Variants in PTCHD4 observed in about 807,000 individuals in gnomAD.
PTCHD4 encodes patched domain containing 4.
A neutral mutation model predicts 58.1 loss-of-function variants in PTCHD4; 33 were observed. The observed-to-expected ratio is 0.57, with a 90% CI of 0.43 to 0.76. The LOEUF (loss-of-function observed/expected upper bound fraction) is 0.76, where lower values mean the gene tolerates loss of function less well. Among genes scored for constraint, PTCHD4 ranks in the 30% least tolerant of loss-of-function variants. The pLI is 0.00. For synonymous variants in PTCHD4, 478 were observed against 409.6 expected, an observed-to-expected ratio of 1.17 and a Z score of -2.02; for missense variants, 1,058 against 1,027.1, an observed-to-expected ratio of 1.03 and a Z score of -0.41.
At chr6:48,046,217 T>C (rs1302416248) in intron 3 of PTCHD4, among the ~76,000 whole-genome samples, 3 of 151,854 alleles carry the variant, frequency 2.0e-5, no homozygotes, top group Non-Finnish European at 4.4e-5. Flanking sequence ...ACCTTTTCAT[T>C]GTATATTGTT....
intron 3 of PTCHD4, among the ~76,000 whole-genome samples, chr6:48,028,152 A>G (rs1763312702): frequency 6.6e-6 from 1 of 152,048 alleles, no homozygotes; most frequent in Non-Finnish European, 1.5e-5. Flanking sequence ...ATTGTTGGCC[A>G]GCCTGGTCTC....
Position 47,860,434 on chromosome 6 carries a change from T to C in PTCHD4, c.*17869A>G, listed in dbSNP as rs986706449. Among the ~76,000 whole-genome samples the C allele has an allele frequency of 6.6e-6, 1 of 152,046 alleles. No homozygotes were observed. The highest frequency in any genetic ancestry group is 1.5e-5 in the Non-Finnish European group (1 of 67,972). The stretch of plus-strand genomic sequence containing the variant: ...ACAAAAACATTAAGGTAGAACTCAG[T>C]GGATAAGACACATGATCTGATTTTG... On this transcript the variant is annotated 3_prime_UTR_variant, in exon 5 of 5. Coordinates refer to ENST00000339488, the MANE Select transcript of PTCHD4 (RefSeq NM_001384253.1).
At chr6:47,897,940 C>CTTT (rs67063892) in intron 4 of PTCHD4, among the ~76,000 whole-genome samples, 879 of 75,564 alleles carry the variant, frequency 0.012, no homozygotes, top group Middle Eastern at 0.026. Context: ...TTCTTTCTTT[C>CTTT]TTTTTTTTTT....
chr6:47,890,897 T>A, intron 4 of PTCHD4: 1 of 984,762 alleles, frequency 1.0e-6, no homozygotes, highest in Non-Finnish European at 1.2e-6. Context: ...GTACCTTCCA[T>A]GCTTTTCAAG....
chr6:47,953,383 A>G (rs999679483), intron 4 of PTCHD4, among the ~76,000 whole-genome samples: 1 of 152,178 alleles, frequency 6.6e-6, no homozygotes, highest in African/African-American at 2.4e-5. Flanking sequence ...CTCTGAGTTT[A>G]GATGAGATTT....
chr6:47,988,677 C>T (rs993596545), intron 4 of PTCHD4, among the ~76,000 whole-genome samples: 5 of 152,320 alleles, frequency 3.3e-5, no homozygotes, highest in Non-Finnish European at 7.3e-5. Flanking sequence ...TCTGCTTTTG[C>T]ATCCTCCTCA....
At chr6:48,105,619 T>G (rs1355502853) in intron 1 of PTCHD4, among the ~76,000 whole-genome samples, 1 of 151,276 alleles carries the variant, frequency 6.6e-6, no homozygotes, top group Non-Finnish European at 1.5e-5. Context: ...CTGAAGGAAA[T>G]AGAGACAAAA....
intron 3 of PTCHD4, among the ~76,000 whole-genome samples, chr6:48,047,753 C>T (rs1242325180): frequency 2.6e-5 from 4 of 151,746 alleles, no homozygotes; most frequent in Non-Finnish European, 5.9e-5. Context: ...CATGTGAGGA[C>T]AGAGAGAGAA....
At chr6:47,927,742 T>A (rs1167108997) in intron 4 of PTCHD4, among the ~76,000 whole-genome samples, 4 of 151,990 alleles carry the variant, frequency 2.6e-5, no homozygotes, top group Non-Finnish European at 4.4e-5. Context: ...TTTCCATTTT[T>A]AAAAAGTCAA....
intron 3 of PTCHD4, among the ~76,000 whole-genome samples, chr6:48,048,011 A>G (rs922907843): frequency 1.8e-5 from 2 of 113,464 alleles, no homozygotes; most frequent in African/African-American, 3.7e-5. Flanking sequence ...TAAAATAAGC[A>G]TTCTAGTAAA....
chr6:47,954,488 G>A (rs920752210), intron 4 of PTCHD4, among the ~76,000 whole-genome samples: 6 of 152,318 alleles, frequency 3.9e-5, no homozygotes, highest in Middle Eastern at 3.4e-3. Context: ...CTAAGGTTTT[G>A]AAATAAAAGG....
intron 4 of PTCHD4, among the ~76,000 whole-genome samples, chr6:47,940,867 C>A (rs1420312970): frequency 6.6e-6 from 1 of 152,142 alleles, no homozygotes; most frequent in Non-Finnish European, 1.5e-5. Context: ...ACAGTCAAAT[C>A]AATATTAAAA....
At chr6:47,883,396 G>A (rs1042773003) in intron 4 of PTCHD4, among the ~76,000 whole-genome samples, 5 of 152,110 alleles carry the variant, frequency 3.3e-5, no homozygotes, top group African/African-American at 9.7e-5. Context: ...GAATATGTCA[G>A]AGTGAGTTTT....
intron 3 of PTCHD4, among the ~76,000 whole-genome samples, chr6:48,035,269 C>T (rs1311566796): frequency 6.6e-6 from 1 of 151,828 alleles, no homozygotes; most frequent in African/African-American, 2.4e-5. Context: ...TAAATAATAA[C>T]AAATTACAAA....
chr6:48,025,633 A>G (rs1582040161), intron 3 of PTCHD4, among the ~76,000 whole-genome samples: 1 of 152,214 alleles, frequency 6.6e-6, no homozygotes, highest in East Asian at 1.9e-4. Context: ...TAACTTGCTA[A>G]GTGGGTGTCT....
At chr6:48,055,306 G>A (rs1254405029) in intron 3 of PTCHD4, among the ~76,000 whole-genome samples, 1 of 152,176 alleles carries the variant, frequency 6.6e-6, no homozygotes, top group Non-Finnish European at 1.5e-5. Flanking sequence ...TATAGTTAAA[G>A]ATGGGAAATA....
intron 4 of PTCHD4, among the ~76,000 whole-genome samples, chr6:47,989,684 G>A (rs1768209521): frequency 6.6e-6 from 1 of 152,184 alleles, no homozygotes; most frequent in Non-Finnish European, 1.5e-5. Context: ...AGGTTTGGGA[G>A]CCTCTGACTA....
chr6:47,946,091 C>G (rs539729953), intron 4 of PTCHD4, among the ~76,000 whole-genome samples: 2 of 152,018 alleles, frequency 1.3e-5, no homozygotes, highest in African/African-American at 4.8e-5. Flanking sequence ...GATACTGATT[C>G]TTTGAAATTT....
chr6:48,094,032 G>A (rs914988459), intron 1 of PTCHD4, among the ~76,000 whole-genome samples: 1 of 152,156 alleles, frequency 6.6e-6, no homozygotes, highest in African/African-American at 2.4e-5. Flanking sequence ...CATATGAATT[G>A]TTATGGGAAC....
Sources: allele counts gnomAD v4.1 joint callset (sites outside exome capture counted in the v4.1 genomes callset), GRCh38; gene constraint gnomAD v4.1.1; transcripts MANE v1.5; gene names NCBI Gene and HGNC (gene_info 2026-07-23, HGNC 2026-07-21).